The following TMEM132C variants were observed in gnomAD, a reference collection of about 807,000 sequenced individuals.
TMEM132C encodes the protein transmembrane protein 132C, also known as protein phosphatase 1, regulatory subunit 152.
Under a neutral mutation model 61.4 loss-of-function variants are expected in TMEM132C, and 29 were observed. The observed-to-expected ratio is 0.47, with a 90% CI of 0.35 to 0.64. The LOEUF (loss-of-function observed/expected upper bound fraction) is 0.64, where lower values mean the gene tolerates loss of function less well. TMEM132C is among the 30% of genes least tolerant of loss of function. The pLI is 0.00. For missense variants in TMEM132C, 1,408 were observed against 1,476.9 expected (o/e 0.95, Z 0.76); for synonymous variants, 656 against 633.1 (o/e 1.04, Z -0.54).
At chr12:128,617,621 G>A (rs1876854369) in intron 4 of TMEM132C, among the ~76,000 whole-genome samples, 1 of 152,076 alleles carries the variant, frequency 6.6e-6, no homozygotes, top group Non-Finnish European at 1.5e-5. Flanking sequence ...AGGTGGGACA[G>A]GTGTGGAATC....
At chr12:128,339,134 G>C (rs183526527) in intron 1 of TMEM132C, among the ~76,000 whole-genome samples, 4 of 152,038 alleles carry the variant, frequency 2.6e-5, no homozygotes, top group Non-Finnish European at 5.9e-5. Flanking sequence ...TCTGTGTTGG[G>C]GGCTGGGGGT....
chr12:128,381,069 A>C (rs1270288978), intron 1 of TMEM132C, among the ~76,000 whole-genome samples: 1 of 152,222 alleles, frequency 6.6e-6, no homozygotes, highest in South Asian at 2.1e-4. Context: ...AAAAGAAAGC[A>C]CAGAAGACCA....
chr12:128,550,568 G>T (rs1398251839), intron 3 of TMEM132C, among the ~76,000 whole-genome samples: 2 of 152,176 alleles, frequency 1.3e-5, no homozygotes, highest in African/African-American at 4.8e-5. Context: ...GCCTCCCAAA[G>T]TGCTGAGATT....
At chr12:128,674,131 G>A (rs1271437269) in intron 5 of TMEM132C, among the ~76,000 whole-genome samples, 3 of 152,124 alleles carry the variant, frequency 2.0e-5, no homozygotes, top group Admixed American at 1.3e-4. Flanking sequence ...CCCATCCCTG[G>A]CCCCTGGCAG....
chr12:128,274,743 A>G (rs1377369050), intron 1 of TMEM132C, among the ~76,000 whole-genome samples: 1 of 152,182 alleles, frequency 6.6e-6, no homozygotes, highest in Non-Finnish European at 1.5e-5. Flanking sequence ...CCTTGGCTAA[A>G]CTTTTCACCT....
intron 1 of TMEM132C, among the ~76,000 whole-genome samples, chr12:128,271,267 TATAATAATAATAATAATA>T (rs72149112): frequency 0.13 from 18,099 of 142,970 alleles, 1,464 homozygotes; most frequent in African/African-American, 0.21. Context: ...ATAATAATAA[TATAATAATAATAATAATA>T]ATAATAATAA....
At chr12:128,461,135 GT>G (rs1870519637) in intron 2 of TMEM132C, among the ~76,000 whole-genome samples, 3 of 152,214 alleles carry the variant, frequency 2.0e-5, no homozygotes, top group African/African-American at 7.2e-5. Context: ...TTCTCTGTGT[GT>G]AACTTGCACC....
intron 1 of TMEM132C, chr12:128,400,014 G>A (rs1401098): frequency 0.65 from 99,452 of 152,124 alleles, 33,393 homozygotes; most frequent in African/African-American, 0.81. Context: ...GGGCCTTTAC[G>A]GAAAATAGTA....
intron 1 of TMEM132C, among the ~76,000 whole-genome samples, chr12:128,369,189 G>A (rs1451569748): frequency 6.6e-6 from 1 of 152,150 alleles, no homozygotes; most frequent in Non-Finnish European, 1.5e-5. Flanking sequence ...TTAAATTCCA[G>A]ACACTGTCTT....
At chr12:128,656,487 C>T (rs1331106800) in intron 4 of TMEM132C, among the ~76,000 whole-genome samples, 3 of 152,214 alleles carry the variant, frequency 2.0e-5, no homozygotes. Flanking sequence ...GTTTCGTTCT[C>T]ATTAAGGAGA....
chr12:128,520,530 T>A (rs191123736), intron 2 of TMEM132C, among the ~76,000 whole-genome samples: 122 of 152,314 alleles, frequency 8.0e-4, no homozygotes, highest in Non-Finnish European at 1.3e-3. Flanking sequence ...ATGGAAGATA[T>A]GTATACCACA....
intron 2 of TMEM132C, among the ~76,000 whole-genome samples, chr12:128,453,660 A>T (rs563795838): frequency 1.7e-4 from 26 of 152,218 alleles, no homozygotes; most frequent in Non-Finnish European, 1.5e-5. Context: ...ATCTACTATG[A>T]TCCACCTTCT....
chr12:128,607,260 G>T (rs11059789), intron 3 of TMEM132C, among the ~76,000 whole-genome samples: 20,983 of 152,194 alleles, frequency 0.14, 1,644 homozygotes, highest in South Asian at 0.32. Context: ...GGCTGGAGGA[G>T]AATGAGCAAG....
intron 1 of TMEM132C, among the ~76,000 whole-genome samples, chr12:128,413,503 A>G (rs1013706943): frequency 4.6e-5 from 7 of 151,764 alleles, no homozygotes; most frequent in African/African-American, 1.5e-4. Flanking sequence ...AAGACTGTCT[A>G]TTGCCTGTCG....
intron 1 of TMEM132C, among the ~76,000 whole-genome samples, chr12:128,306,424 G>C (rs1487992426): frequency 2.0e-5 from 3 of 151,916 alleles, no homozygotes; most frequent in South Asian, 2.1e-4. Context: ...GGATGGTCTC[G>C]ATCTCCTGAC....
chr12:128,517,248 A>ATAAG (rs1224671784), intron 2 of TMEM132C, among the ~76,000 whole-genome samples: 1 of 150,576 alleles, frequency 6.6e-6, no homozygotes, highest in African/African-American at 2.4e-5. Context: ...AAATAAATAA[A>ATAAG]TAAATAAATA....
At chr12:128,385,205 A>G (rs930245261) in intron 1 of TMEM132C, among the ~76,000 whole-genome samples, 1 of 150,710 alleles carries the variant, frequency 6.6e-6, no homozygotes, top group Non-Finnish European at 1.5e-5. Flanking sequence ...CCTGCTGCAT[A>G]GGATCATTGC....
intron 1 of TMEM132C, among the ~76,000 whole-genome samples, chr12:128,280,569 A>G (rs11059622): frequency 0.33 from 50,760 of 152,094 alleles, 8,637 homozygotes; most frequent in Admixed American, 0.4. Flanking sequence ...GGGACGGACT[A>G]CTAATGAGTA....
Position 128,696,206 on chromosome 12 carries a change from T to C in TMEM132C, c.1929+103T>C, listed in dbSNP as rs571818608. On this transcript the variant is annotated intron_variant, in intron 7 of 8. Transcript: ENST00000435159. ...TCACTGTGGCCGATTCCCCAACCCA[T>C]GTGTATCATGGGAACACAGGAAGAT... 2.9e-4 allele frequency: 415 copies of C among 1,421,832 alleles called. 4 individuals carry two copies. The South Asian group carries it at 3.1e-3, about 11-fold the overall frequency. 88.1% of individuals were successfully genotyped at this position (1,421,832 alleles called of 1,614,324 possible).
Sources: gnomAD v4.1 joint callset for allele counts (sites outside exome capture counted in the v4.1 genomes callset) on GRCh38, gnomAD v4.1.1 for gene constraint, MANE v1.5 for transcripts, NCBI Gene and HGNC (gene_info 2026-07-23, HGNC 2026-07-21) for gene names.